The following BDH2 variants were observed in gnomAD, a reference collection of about 807,000 sequenced individuals.
BDH2 encodes dehydrogenase/reductase SDR family member 6.
In BDH2, 24 loss-of-function variants were observed where a neutral mutation model predicts 33.2. The ratio of observed to expected loss-of-function variants is 0.72; its 90% confidence interval spans 0.52 to 1.02. The LOEUF is 1.02. BDH2 is among the 50% of genes least tolerant of loss of function. The pLI is 0.00. For synonymous variants in BDH2, 81 were observed against 101.6 expected (o/e 0.80, Z 1.22); for missense variants, 249 against 301.6 (o/e 0.83, Z 1.29).
intron 3 of BDH2, among the ~76,000 whole-genome samples, chr4:103,093,784 TATAA>T: frequency 6.8e-6 from 1 of 148,020 alleles, no homozygotes; most frequent in African/African-American, 2.4e-5. Flanking sequence ...TATAATATAT[TATAA>T]ATAATATGTA....
rs138279386 is a variant in BDH2, at chr4:103,092,379, C to T, written c.248+221G>A. On this transcript the variant is annotated intron_variant, in intron 4 of 9. Transcript: ENST00000296424. ...ACAGCTTTGTATCAGTACCATCTGT[C>T]TTGAGTAGACCTCATTTGCCCCAGA... 3.8e-3 allele frequency: 2,139 copies of T among 559,524 alleles called. 61 individuals are homozygous for T. The highest frequency in any genetic ancestry group is 6.3e-4 in the Non-Finnish European group (196 of 312,832). The allele number at this position is 559,524 out of a possible 1,614,324, so 34.7% of individuals were successfully genotyped here.
At chr4:103,090,665 C>A (rs1455537195) in intron 5 of BDH2, among the ~76,000 whole-genome samples, 2 of 152,182 alleles carry the variant, frequency 1.3e-5, no homozygotes, top group Non-Finnish European at 2.9e-5. Flanking sequence ...TACGATCATT[C>A]CAGTCTCGTG....
chr4:103,081,694 A>T (rs563183494), intron 9 of BDH2, among the ~76,000 whole-genome samples: 1 of 152,366 alleles, frequency 6.6e-6, no homozygotes, highest in African/African-American at 2.4e-5. Context: ...TGTCCACTGA[A>T]CACAAATCTG....
intron 1 of BDH2, chr4:103,098,860 AC>A (rs1391776079): frequency 1.3e-5 from 2 of 152,168 alleles, no homozygotes; most frequent in African/African-American, 4.8e-5. Context: ...GGAGGAGCAG[AC>A]TAACACAATT....
At chr4:103,091,796 T>C in intron 4 of BDH2, 1 of 453,206 alleles carries the variant, frequency 2.2e-6, no homozygotes, top group Non-Finnish European at 4.4e-6. Context: ...GCCTATGTGA[T>C]TCCTATTTCA....
intron 9 of BDH2, among the ~76,000 whole-genome samples, chr4:103,080,283 A>T (rs1254457838): frequency 6.6e-6 from 1 of 152,180 alleles, no homozygotes; most frequent in Non-Finnish European, 1.5e-5. Context: ...CATGAATGAT[A>T]ATAACTATAA....
intron 3 of BDH2, among the ~76,000 whole-genome samples, chr4:103,093,046 T>C (rs1345140808): frequency 6.6e-6 from 1 of 152,222 alleles, no homozygotes; most frequent in Non-Finnish European, 1.5e-5. Context: ...CATTTGAAGT[T>C]CTTACAAACT....
At chr4:103,083,017 G>C in intron 7 of BDH2, 88 bp from the exon 8 acceptor site, 1 of 1,187,946 alleles carries the variant, frequency 8.4e-7, no homozygotes, top group Non-Finnish European at 1.3e-6. Flanking sequence ...ATGACAATCA[G>C]TGAGATTCTT....
At chr4:103,086,742 T>C (rs1204475938) in intron 5 of BDH2, among the ~76,000 whole-genome samples, 1 of 152,204 alleles carries the variant, frequency 6.6e-6, no homozygotes, top group African/African-American at 2.4e-5. Context: ...GATGGCAATG[T>C]GACTGCACTC....
chr4:103,090,449 C>T (rs895917932), intron 5 of BDH2, among the ~76,000 whole-genome samples: 4 of 152,110 alleles, frequency 2.6e-5, no homozygotes, highest in Admixed American at 2.6e-4. Flanking sequence ...AAAACAAGAG[C>T]GAAGGGAGAA....
intron 6 of BDH2, chr4:103,086,110 C>T: frequency 9.1e-7 from 1 of 1,094,816 alleles, no homozygotes; most frequent in East Asian, 7.3e-5. Context: ...ATGATGTTTG[C>T]TGCCTTGCTC....
chr4:103,080,501 T>C (rs1477799307), intron 9 of BDH2, among the ~76,000 whole-genome samples: 2 of 152,174 alleles, frequency 1.3e-5, no homozygotes, highest in African/African-American at 4.8e-5. Flanking sequence ...ATCTGAAGCC[T>C]GAAACAATGG....
Position 103,085,431 on chromosome 4 carries a change from G to A in BDH2, c.450C>T (p.Thr150=). ...GVVNRCVYST[T]KAAVIGLTKS... is the part of the protein sequence containing the mutation. ...TTGTGAGGCCAATCACGGCTGCCTTGGTTGTGCTGTACACACATCTGTTCA... is the reference window on the plus strand; with the variant it reads ...TTGTGAGGCCAATCACGGCTGCCTTAGTTGTGCTGTACACACATCTGTTCA... The change falls in exon 7 of 10, where the codon ACC becomes ACT. Residue 150 remains threonine (T), a synonymous_variant. Coordinates refer to ENST00000296424, the MANE Select transcript of BDH2 (RefSeq NM_020139.4). 1 of 1,613,284 alleles carries A rather than the reference G, an allele frequency of 6.2e-7. No homozygotes were observed. The highest frequency in any genetic ancestry group is 8.5e-7 in the Non-Finnish European group (1 of 1,179,828).
chr4:103,089,387 C>A (rs1472795192), intron 5 of BDH2, among the ~76,000 whole-genome samples: 1 of 152,156 alleles, frequency 6.6e-6, no homozygotes, highest in Non-Finnish European at 1.5e-5. Context: ...AGTCCAAGAC[C>A]AGGATTCGAT....
chr4:103,096,531 ATTT>A (rs70941651), intron 1 of BDH2, among the ~76,000 whole-genome samples: 2 of 114,240 alleles, frequency 1.8e-5, no homozygotes, highest in Non-Finnish European at 1.8e-5. Context: ...GACATTGGCC[ATTT>A]TTTTTTTTTT....
At position 103,091,232 on chromosome 4, in the gene BDH2, G is replaced by A. The variant is rs1180401542; in HGVS notation, c.302C>T (p.Ser101Leu). The A allele has an allele frequency of 1.9e-6, 3 of 1,613,302 alleles. No individual in the cohort carries two copies. The highest frequency in any genetic ancestry group is 2.5e-6 in the Non-Finnish European group (3 of 1,179,744). Reference sequence around the variant, plus strand: ...CATGCTGCGCACATTGAGATTCATCGAGAAGTCCCAGTCTTTCTCCTCACA... The same window carrying A: ...CATGCTGCGCACATTGAGATTCATCAAGAAGTCCCAGTCTTTCTCCTCACA... ...LDCEEKDWDF[S>L]MNLNVRSMYL... The change falls in exon 5 of 10, where the codon TCG (serine) becomes TTG (leucine). Residue 101 changes from serine (S) to leucine (L), a missense_variant. Ser to Leu is a moderately radical substitution (Grantham distance 145). Coordinates refer to ENST00000296424, the MANE Select transcript of BDH2 (RefSeq NM_020139.4).
intron 3 of BDH2, among the ~76,000 whole-genome samples, chr4:103,094,576 A>T (rs529441777): frequency 1.3e-5 from 2 of 152,280 alleles, no homozygotes; most frequent in African/African-American, 4.8e-5. Flanking sequence ...TCTCAATTAT[A>T]CCTCAAAGAA....
intron 5 of BDH2, among the ~76,000 whole-genome samples, chr4:103,090,432 T>C (rs564424897): frequency 1.1e-4 from 17 of 152,326 alleles, no homozygotes; most frequent in African/African-American, 4.1e-4. Context: ...CCACTGTGGT[T>C]CAGATCAAAA....
chr4:103,082,047 G>C, intron 9 of BDH2, 34 bp downstream of exon 9: 1 of 1,554,056 alleles, frequency 6.4e-7, no homozygotes, highest in African/African-American at 1.4e-5. Flanking sequence ...ATGTGATTGA[G>C]GGTAATGAAC....
Sources: allele counts gnomAD v4.1 joint callset (sites outside exome capture counted in the v4.1 genomes callset), GRCh38; gene constraint gnomAD v4.1.1; transcripts MANE v1.5; gene names NCBI Gene and HGNC (gene_info 2026-07-23, HGNC 2026-07-21).